ZNF184: variants seen among roughly 807,000 people sequenced by gnomAD.
ZNF184 encodes zinc finger protein 184 (Kruppel-like).
Under a neutral mutation model 54.4 loss-of-function variants are expected in ZNF184, and 16 were observed. The ratio of observed to expected loss-of-function variants is 0.29; its 90% CI spans 0.20 to 0.45. ZNF184 has a LOEUF of 0.45. Ranked by LOEUF, ZNF184 falls within the 20% of genes least tolerant of loss-of-function variation. The probability of loss-of-function intolerance (pLI) is 1.00; values close to 1 mark genes in which losing one functional copy is unlikely to be tolerated. For synonymous variants in ZNF184, 254 were observed against 295.3 expected, an observed-to-expected ratio of 0.86 and a Z score of 1.43; for missense variants, 681 against 888.2, an observed-to-expected ratio of 0.77 and a Z score of 2.97.
rs555317714 is a variant in ZNF184, at chr6:27,460,116, A to G, written c.76-2707T>C. On this transcript the variant is annotated intron_variant, in intron 3 of 5. Coordinates refer to ENST00000683788, the MANE Select transcript of ZNF184 (RefSeq NM_001318891.2). ...CAGAAGTTCGAGGTTGCAGTGACCT[A>G]TGATCATACCACTGAACTCTAGGGT... Among the ~76,000 whole-genome samples the G allele has an allele frequency of 1.6e-4, 24 of 152,338 alleles. No homozygotes were observed. In the South Asian group the frequency reaches 4.8e-3, roughly 30 times the overall value.
At chr6:27,405,127 G>A in the ZNF184 span, 1 of 152,082 alleles carries the variant, frequency 6.6e-6, no homozygotes, top group Non-Finnish European at 1.5e-5. Flanking sequence ...AACTGCAATG[G>A]CAAAAACGGC....
the ZNF184 span, among the ~76,000 whole-genome samples, chr6:27,428,695 C>T: frequency 2.0e-5 from 3 of 152,182 alleles, no homozygotes; most frequent in South Asian, 2.1e-4. The surrounding 1 kb of genome is among the most constrained non-coding windows in gnomAD (Gnocchi z 4.1). Context: ...GGAAAAAGGC[C>T]GCAGGCTCAG....
chr6:27,453,375 C>A lies in ZNF184; in HGVS notation c.299-115G>T. On this transcript the variant is annotated intron_variant, in intron 5 of 5. Transcript: ENST00000683788. The surrounding 1 kb of genome is among the most constrained non-coding windows in gnomAD (Gnocchi z 4.7). ...TCTCTCAGAAAATTCTAATGGTTTT[C>A]AAATATATAGCCATATTATTTGGGG... 2 of 1,081,162 alleles carry A rather than the reference C, an allele frequency of 1.8e-6. No homozygotes were observed. The highest frequency in any genetic ancestry group is 1.3e-6 in the Non-Finnish European group (1 of 796,002). 67.0% of individuals were successfully genotyped at this position (1,081,162 alleles called of 1,614,324 possible). A position where few individuals can be genotyped will look rare whatever the true frequency, so the allele number is the denominator to read the frequency against.
downstream of ZNF184, among the ~76,000 whole-genome samples, chr6:27,448,262 T>C (rs948310143): frequency 6.6e-6 from 1 of 152,112 alleles, no homozygotes; most frequent in Non-Finnish European, 1.5e-5. Flanking sequence ...AGCTAACCCA[T>C]AGGCAAACCT....
rs1581593191 is a variant in ZNF184, at chr6:27,472,378, A to T, written c.-84T>A. The T allele has an allele frequency of 1.3e-6, 2 of 1,584,588 alleles. No individual in the cohort carries two copies. Among genetic ancestry groups the T allele is most frequent in the East Asian group, 2.2e-5 (1 of 44,462 alleles). On this transcript the variant is annotated 5_prime_UTR_variant, in exon 2 of 6. Transcript: ENST00000683788. This position sits in a 1 kb window ranked among gnomAD's most constrained non-coding sequence, Gnocchi z 4.8. ...CCTTCAGCTGGTATCTCGGTCTAGG[A>T]CTCAGATGTCTAACTCCCCTTGCAG...
rs748528459 is a variant in ZNF184 at position 27,452,309 on chromosome 6, G to A, written c.1250C>T (p.Pro417Leu). Residue 417 changes from proline (P) to leucine (L), a missense_variant, in exon 6 of 6, where the codon CCG (proline) becomes CTG (leucine). Transcript: ENST00000683788. This position sits in a 1 kb window ranked among gnomAD's most constrained non-coding sequence, Gnocchi z 5.5. ...RHHMIHTGEK[P>L]YECNECGKAF... ...TTTCCCACATTCATTGCATTCGTAC[G>A]GTTTTTCACCAGTATGAATCATATG... The A allele has an allele frequency of 3.7e-6, 6 of 1,614,056 alleles. No individual in the cohort carries two copies. The highest frequency in any genetic ancestry group is 4.2e-6 in the Non-Finnish European group (5 of 1,180,006).
chr6:27,411,273 A>C, the ZNF184 span, among the ~76,000 whole-genome samples: 86 of 152,298 alleles, frequency 5.6e-4, 1 homozygote, highest in African/African-American at 1.7e-3. Flanking sequence ...ATGAGGAATG[A>C]GTTCTCATGA....
the ZNF184 span, among the ~76,000 whole-genome samples, chr6:27,424,975 G>A: frequency 1.3e-5 from 2 of 152,218 alleles, no homozygotes; most frequent in Admixed American, 1.3e-4. Flanking sequence ...CTGCCCCGCG[G>A]GAAGGCAGCT....
At chr6:27,423,949 T>C in the ZNF184 span, among the ~76,000 whole-genome samples, 1 of 152,200 alleles carries the variant, frequency 6.6e-6, no homozygotes, top group Non-Finnish European at 1.5e-5. Flanking sequence ...TGTTGAAACA[T>C]TGTAAAATTA....
Position 27,451,506 on chromosome 6 carries a change from G to C in ZNF184, c.2053C>G (p.Leu685Val), listed in dbSNP as rs748974450. The C allele has an allele frequency of 6.2e-7, 1 of 1,614,066 alleles. No individual in the cohort carries two copies. Among genetic ancestry groups the C allele is most frequent in the Admixed American group, 1.7e-5 (1 of 60,006 alleles). The change falls in exon 6 of 6, where the codon CTG becomes GTG. Residue 685 changes from leucine to valine, a missense_variant. Physicochemically the swap from Leu to Val is conservative, Grantham distance 32. Coordinates refer to ENST00000683788, the MANE Select transcript of ZNF184 (RefSeq NM_001318891.2). ...CDKAFSRSTH[L>V]TEHQNTHTGE... ...GTATGAGTATTCTGATGTTCAGTCA[G>C]ATGAGTGCTCCGGCTAAAGGCTTTG...
At chr6:27,421,414 T>C in the ZNF184 span, among the ~76,000 whole-genome samples, 11 of 152,258 alleles carry the variant, frequency 7.2e-5, no homozygotes, top group South Asian at 2.1e-3. Flanking sequence ...TCTATATTTA[T>C]CCAATCTTAG....
At chr6:27,466,141 GGAGAGAGAGAGAGAGA>G (rs58110037) in intron 3 of ZNF184, among the ~76,000 whole-genome samples, 3 of 148,756 alleles carry the variant, frequency 2.0e-5, no homozygotes, top group Non-Finnish European at 4.5e-5. Flanking sequence ...AGAGTCAGAG[GGAGAGAGAGAGAGAGA>G]GAGAGAGAGA....
the ZNF184 span, among the ~76,000 whole-genome samples, chr6:27,414,811 G>A: frequency 6.6e-6 from 1 of 152,042 alleles, no homozygotes; most frequent in African/African-American, 2.4e-5. Flanking sequence ...AAAGCAGGAA[G>A]GGAGGTTAGC....
chr6:27,451,631 T>C lies in ZNF184; in HGVS notation c.1928A>G (p.Gln643Arg). The C allele has an allele frequency of 1.9e-6, 3 of 1,614,190 alleles. No homozygotes were observed. The highest frequency in any genetic ancestry group is 2.5e-6 in the Non-Finnish European group (3 of 1,180,016). Reference sequence around the variant, plus strand: ...AAAGGTCTTTTCACATTTATTACACTGGTAGGGTTTTTCTTCTGTGTGAGT... The same window carrying C: ...AAAGGTCTTTTCACATTTATTACACCGGTAGGGTTTTTCTTCTGTGTGAGT... ...QKTHTEEKPY[Q>R]CNKCEKTFSQ... The change falls in exon 6 of 6, where the codon CAG (glutamine) becomes CGG (arginine). Residue 643 changes from glutamine (Q) to arginine (R), a missense_variant. By Grantham distance (43) the Gln-to-Arg change is conservative (BLOSUM62 1). Coordinates refer to ENST00000683788, the MANE Select transcript of ZNF184 (RefSeq NM_001318891.2).
the ZNF184 span, among the ~76,000 whole-genome samples, chr6:27,424,327 G>C: frequency 6.6e-6 from 1 of 152,212 alleles, no homozygotes; most frequent in African/African-American, 2.4e-5. Flanking sequence ...TTATTGCAAA[G>C]AGTAAAAGAA....
At chr6:27,424,106 T>G in the ZNF184 span, among the ~76,000 whole-genome samples, 1 of 152,216 alleles carries the variant, frequency 6.6e-6, no homozygotes, top group African/African-American at 2.4e-5. Flanking sequence ...GTGTTCAGTT[T>G]CTTCCTTCTG....
intron 3 of ZNF184, among the ~76,000 whole-genome samples, chr6:27,461,428 G>A (rs961456233): frequency 3.3e-5 from 5 of 151,942 alleles, no homozygotes; most frequent in African/African-American, 1.2e-4. Flanking sequence ...GAACTAAAGC[G>A]TGGTCATGGG....
At chr6:27,418,530 T>G in the ZNF184 span, among the ~76,000 whole-genome samples, 1 of 152,230 alleles carries the variant, frequency 6.6e-6, no homozygotes, top group Admixed American at 6.5e-5. Flanking sequence ...CTTGTTCACA[T>G]TTGATATTGA....
the ZNF184 span, among the ~76,000 whole-genome samples, chr6:27,424,277 C>G: frequency 6.6e-6 from 1 of 152,152 alleles, no homozygotes; most frequent in South Asian, 2.1e-4. Flanking sequence ...TTACAGCTCA[C>G]AAAAGTAGTG....
Sources: gnomAD v4.1 joint callset for allele counts (sites outside exome capture counted in the v4.1 genomes callset) on GRCh38, gnomAD v4.1.1 for gene constraint, Gnocchi (gnomAD v3.1) non-coding constraint, MANE v1.5 for transcripts, NCBI Gene and HGNC (gene_info 2026-07-23, HGNC 2026-07-21) for gene names.